LRFN5: variants seen among roughly 807,000 people sequenced by gnomAD.
The protein encoded by LRFN5 is leucine rich repeat and fibronectin type III domain containing 5.
Under a neutral mutation model 45.6 loss-of-function variants are expected in LRFN5, and 24 were observed. The ratio of observed to expected loss-of-function variants is 0.53; its 90% CI spans 0.38 to 0.74. The LOEUF (loss-of-function observed/expected upper bound fraction) is 0.74, where lower values mean the gene tolerates loss of function less well. Among genes scored for constraint, LRFN5 ranks in the 30% least tolerant of loss-of-function variants. The probability of loss-of-function intolerance (pLI) is 0.00; values close to 1 mark genes in which losing one functional copy is unlikely to be tolerated. For missense variants in LRFN5, 776 were observed against 861.5 expected (o/e 0.90, Z 1.24); for synonymous variants, 340 against 313.8 (o/e 1.08, Z -0.88).
At chr14:41,873,075 GT>G (rs1395516281) in intron 2 of LRFN5, among the ~76,000 whole-genome samples, 2 of 152,138 alleles carry the variant, frequency 1.3e-5, no homozygotes, top group African/African-American at 2.4e-5. Flanking sequence ...TTTCCACTTT[GT>G]TATTGTTCTT....
chr14:41,682,827 GAAAAGAAATGCC>G (rs1324326253), intron 1 of LRFN5, among the ~76,000 whole-genome samples: 8 of 152,094 alleles, frequency 5.3e-5, no homozygotes, highest in Non-Finnish European at 1.0e-4. Context: ...AAGTATCCTG[GAAAAGAAATGCC>G]AGGGACCAGA....
At chr14:41,680,170 G>C (rs1881821105) in intron 1 of LRFN5, among the ~76,000 whole-genome samples, 1 of 152,162 alleles carries the variant, frequency 6.6e-6, no homozygotes, top group African/African-American at 2.4e-5. Flanking sequence ...CTCTGGACCT[G>C]CCTGGGACCA....
intron 2 of LRFN5, among the ~76,000 whole-genome samples, chr14:41,817,816 T>G (rs1887972942): frequency 6.6e-6 from 1 of 151,576 alleles, no homozygotes; most frequent in Non-Finnish European, 1.5e-5. Flanking sequence ...TCCTTTGGAG[T>G]TTTTAACTCT....
chr14:41,868,604 C>T (rs1047764420), intron 2 of LRFN5, among the ~76,000 whole-genome samples: 6 of 152,112 alleles, frequency 3.9e-5, no homozygotes, highest in Admixed American at 3.9e-4. Flanking sequence ...GGAATGTAGG[C>T]CATGAAATGT....
At chr14:41,679,688 G>A (rs1881797760) in intron 1 of LRFN5, among the ~76,000 whole-genome samples, 1 of 152,120 alleles carries the variant, frequency 6.6e-6, no homozygotes, top group East Asian at 2.0e-4. Context: ...ATTCCCAGCG[G>A]TGGTAGCTAT....
At chr14:41,608,853 A>C (rs2138531242) in intron 1 of LRFN5, among the ~76,000 whole-genome samples, 1 of 152,292 alleles carries the variant, frequency 6.6e-6, no homozygotes, top group South Asian at 2.1e-4. Context: ...AAGATGCCAG[A>C]GATCAAAATT....
intron 2 of LRFN5, among the ~76,000 whole-genome samples, chr14:41,782,974 C>CTT (rs57305924): frequency 0.068 from 8,639 of 127,530 alleles, 943 homozygotes; most frequent in East Asian, 0.45. Flanking sequence ...GGTGATACAG[C>CTT]TTTTTTTTTT....
chr14:41,726,507 T>G (rs1029222313), intron 1 of LRFN5, among the ~76,000 whole-genome samples: 5 of 152,180 alleles, frequency 3.3e-5, no homozygotes, highest in Non-Finnish European at 7.3e-5. Context: ...TGCCTGAATT[T>G]TCATAGGGGC....
chr14:41,673,286 G>T (rs1019622488), intron 1 of LRFN5, among the ~76,000 whole-genome samples: 1 of 151,628 alleles, frequency 6.6e-6, no homozygotes, highest in Non-Finnish European at 1.5e-5. Flanking sequence ...TTCCCAGTAG[G>T]GGCAGCCGGG....
rs948127865 is a variant in LRFN5, at chr14:41,801,981, T to C, written c.-21+34952T>C. ...GAATGGACTCGAAATTCCCAGAATC[T>C]GGAAATTGAGGATGTCTTATGGTGG... On this transcript the variant is annotated intron_variant, in intron 2 of 5. Coordinates refer to ENST00000298119, the MANE Select transcript of LRFN5 (RefSeq NM_152447.5). Among the ~76,000 whole-genome samples, 4 of 152,208 alleles carry C rather than the reference T, an allele frequency of 2.6e-5. No individual in the cohort carries two copies. The South Asian group carries it at 8.3e-4, about 32-fold the overall frequency.
At chr14:41,623,198 A>T (rs1031949534) in intron 1 of LRFN5, among the ~76,000 whole-genome samples, 4 of 152,084 alleles carry the variant, frequency 2.6e-5, no homozygotes, top group African/African-American at 9.7e-5. Context: ...TTTCCATTTG[A>T]CAAATAAAAC....
chr14:41,695,286 C>T (rs904948019), intron 1 of LRFN5, among the ~76,000 whole-genome samples: 15 of 151,856 alleles, frequency 9.9e-5, no homozygotes, highest in Admixed American at 5.9e-4. Flanking sequence ...AAGAAGGTGT[C>T]TCCATAACAT....
At chr14:41,841,626 C>T (rs559361711) in intron 2 of LRFN5, among the ~76,000 whole-genome samples, 149 of 151,852 alleles carry the variant, frequency 9.8e-4, no homozygotes, top group African/African-American at 3.5e-3. Context: ...TTGATGGTCT[C>T]ACATGTTTTT....
intron 1 of LRFN5, among the ~76,000 whole-genome samples, chr14:41,621,865 G>A (rs777574036): frequency 2.6e-5 from 4 of 152,036 alleles, no homozygotes; most frequent in Non-Finnish European, 5.9e-5. Flanking sequence ...GTAGGTCAGG[G>A]TCGCTTCGCA....
intron 2 of LRFN5, among the ~76,000 whole-genome samples, chr14:41,781,496 AAGGAAGGGAGGG>A (rs895025418): frequency 6.2e-4 from 88 of 141,660 alleles, no homozygotes; most frequent in Admixed American, 1.2e-3. Flanking sequence ...ATTAAGAAGG[AAGGAAGGGAGGG>A]AGGAAGGGAG....
At chr14:41,784,738 C>A (rs1886656695) in intron 2 of LRFN5, among the ~76,000 whole-genome samples, 1 of 152,024 alleles carries the variant, frequency 6.6e-6, no homozygotes, top group Non-Finnish European at 1.5e-5. Context: ...AAATGATTCT[C>A]CTGCCTCAGC....
intron 1 of LRFN5, among the ~76,000 whole-genome samples, chr14:41,612,166 A>G (rs1293412355): frequency 1.3e-5 from 2 of 152,094 alleles, no homozygotes; most frequent in Admixed American, 6.5e-5. Context: ...CTGCTGACCT[A>G]TTGCTGTGAT....
intron 2 of LRFN5, among the ~76,000 whole-genome samples, chr14:41,843,928 A>G (rs1443904837): frequency 1.3e-5 from 2 of 152,192 alleles, no homozygotes; most frequent in Non-Finnish European, 2.9e-5. Flanking sequence ...TAAAAATAAA[A>G]TTTTAATGGT....
intron 1 of LRFN5, among the ~76,000 whole-genome samples, chr14:41,676,018 A>C (rs1881612949): frequency 6.6e-6 from 1 of 152,162 alleles, no homozygotes; most frequent in African/African-American, 2.4e-5. Flanking sequence ...GGGTGTGAGC[A>C]ACCAAGAAGG....
Sources: gnomAD v4.1 joint callset for allele counts (sites outside exome capture counted in the v4.1 genomes callset) on GRCh38, gnomAD v4.1.1 for gene constraint, MANE v1.5 for transcripts, NCBI Gene and HGNC (gene_info 2026-07-23, HGNC 2026-07-21) for gene names.